Variants in DLG2 observed in about 807,000 individuals in gnomAD.
DLG2 encodes the protein disks large homolog 2.
Under a neutral mutation model 132.5 loss-of-function variants are expected in DLG2, and 45 were observed. That is an observed-to-expected ratio of 0.34 (90% CI 0.27 to 0.44). The LOEUF (loss-of-function observed/expected upper bound fraction) is 0.44, where lower values mean the gene tolerates loss of function less well. Among genes scored for constraint, DLG2 ranks in the 20% least tolerant of loss-of-function variants. The pLI is 1.00. For synonymous variants in DLG2, 424 were observed against 419.6 expected (o/e 1.01, Z -0.13); for missense variants, 1,045 against 1,196.9 (o/e 0.87, Z 1.87).
chr11:84,394,335 T>C (rs1414939689), intron 7 of DLG2, among the ~76,000 whole-genome samples: 1 of 146,736 alleles, frequency 6.8e-6, no homozygotes, highest in African/African-American at 2.6e-5. Flanking sequence ...CCAAAGTCTT[T>C]CAGTTTTTTT....
At chr11:85,529,272 C>G (rs1262646517) in intron 3 of DLG2, among the ~76,000 whole-genome samples, 1 of 152,120 alleles carries the variant, frequency 6.6e-6, no homozygotes, top group African/African-American at 2.4e-5. Context: ...TGTTCCCCGA[C>G]AAATTATGAA....
At chr11:84,236,527 T>C (rs1454024) in intron 8 of DLG2, among the ~76,000 whole-genome samples, 147,972 of 152,338 alleles carry the variant, frequency 0.97, 71,890 homozygotes, top group East Asian at 1. Flanking sequence ...CCATGACTCC[T>C]TTTTTAATAA....
intron 3 of DLG2, among the ~76,000 whole-genome samples, chr11:85,449,937 G>A (rs1041390242): frequency 3.9e-5 from 6 of 152,128 alleles, no homozygotes; most frequent in Non-Finnish European, 7.4e-5. Context: ...AGACCAGCCT[G>A]ACCAACATGG....
chr11:83,503,538 G>C (rs1282064585), intron 21 of DLG2, among the ~76,000 whole-genome samples: 2 of 151,158 alleles, frequency 1.3e-5, no homozygotes, highest in African/African-American at 4.9e-5. Context: ...AGAGAAAGGA[G>C]AGCCAGTCCA....
At chr11:84,166,903 G>A (rs904689842) in intron 8 of DLG2, 1 of 532,662 alleles carries the variant, frequency 1.9e-6, no homozygotes, top group African/African-American at 1.9e-5. Context: ...AAAGAGTTCG[G>A]CCGAATACAT....
At chr11:83,535,497 A>C (rs1251930294) in intron 20 of DLG2, among the ~76,000 whole-genome samples, 2 of 152,120 alleles carry the variant, frequency 1.3e-5, no homozygotes, top group Non-Finnish European at 2.9e-5. Flanking sequence ...TTTTCTTGAG[A>C]AATGTCTCTG....
intron 18 of DLG2, 132 bp from the exon 19 acceptor site, chr11:83,633,457 G>T: frequency 1.5e-6 from 1 of 670,544 alleles, no homozygotes; most frequent in Non-Finnish European, 2.7e-6. Flanking sequence ...GCAACTCAAG[G>T]GTATGCCTGT....
At chr11:85,154,484 C>T (rs2077469727) in intron 5 of DLG2, 72 bp downstream of exon 5, 1 of 784,932 alleles carries the variant, frequency 1.3e-6, no homozygotes, top group Non-Finnish European at 2.1e-6. Flanking sequence ...ACACTACTAG[C>T]ACTATCCACA....
chr11:85,550,425 G>C (rs1004859689), intron 3 of DLG2, among the ~76,000 whole-genome samples: 3 of 152,258 alleles, frequency 2.0e-5, no homozygotes, highest in Non-Finnish European at 4.4e-5. Context: ...GCTTACTCTG[G>C]TTCCTGCACC....
chr11:85,274,456 T>C (rs2077756807), intron 4 of DLG2, among the ~76,000 whole-genome samples: 1 of 152,186 alleles, frequency 6.6e-6, no homozygotes, highest in African/African-American at 2.4e-5. Context: ...AGTATCCAAC[T>C]TAGTGTTTGA....
chr11:85,581,661 G>A (rs2078533438), intron 3 of DLG2, among the ~76,000 whole-genome samples: 1 of 151,812 alleles, frequency 6.6e-6, no homozygotes, highest in South Asian at 2.1e-4. Context: ...AAAAAGAGAA[G>A]GCCTTCTCTT....
chr11:85,220,066 AG>A (rs1166615856), intron 4 of DLG2, among the ~76,000 whole-genome samples: 1 of 152,104 alleles, frequency 6.6e-6, no homozygotes, highest in Non-Finnish European at 1.5e-5. Flanking sequence ...TTAACATACT[AG>A]TGGTATGGAT....
chr11:85,450,264 T>G (rs2092189194), intron 3 of DLG2, among the ~76,000 whole-genome samples: 1 of 152,224 alleles, frequency 6.6e-6, no homozygotes, highest in African/African-American at 2.4e-5. Context: ...CAAGTTGTCT[T>G]GCTTATCTTC....
rs199901064 is a variant in DLG2, at chr11:84,049,076, A to C, written c.919+10239T>G. Among the ~76,000 whole-genome samples, 6 of 151,802 alleles carry C rather than the reference A, an allele frequency of 4.0e-5. No homozygotes were observed. The East Asian group carries it at 1.2e-3, about 30-fold the overall frequency. On this transcript the variant is annotated intron_variant, in intron 11 of 27. Coordinates refer to ENST00000376104, the MANE Select transcript of DLG2 (RefSeq NM_001142699.3). The stretch of plus-strand genomic sequence containing the variant: ...TGACTTCCTCACATCAAGACTGGAT[A>C]GTTCACTTTGGCCATATGGGCATCA...
intron 8 of DLG2, among the ~76,000 whole-genome samples, chr11:84,226,098 G>A (rs1038961498): frequency 1.3e-5 from 2 of 152,134 alleles, no homozygotes; most frequent in Non-Finnish European, 2.9e-5. Flanking sequence ...GGCGTGAGCT[G>A]CTGCACCCAG....
At chr11:84,392,581 A>T (rs575513437) in intron 7 of DLG2, among the ~76,000 whole-genome samples, 2 of 152,328 alleles carry the variant, frequency 1.3e-5, no homozygotes, top group South Asian at 4.1e-4. Flanking sequence ...ATAATAAAGT[A>T]TTTGCAAGCA....
intron 6 of DLG2, among the ~76,000 whole-genome samples, chr11:84,996,371 A>T (rs951918111): frequency 6.6e-6 from 1 of 151,938 alleles, no homozygotes; most frequent in Non-Finnish European, 1.5e-5. Context: ...ATGTCTCTTA[A>T]CTTCTCCCTT....
intron 6 of DLG2, among the ~76,000 whole-genome samples, chr11:84,570,941 G>T (rs981152102): frequency 4.6e-5 from 7 of 152,178 alleles, no homozygotes; most frequent in Admixed American, 1.3e-4. Context: ...AGGAAAGGGG[G>T]TTGGAGGAAA....
chr11:84,747,114 T>C (rs1272972943), intron 6 of DLG2, among the ~76,000 whole-genome samples: 1 of 152,132 alleles, frequency 6.6e-6, no homozygotes, highest in Non-Finnish European at 1.5e-5. Context: ...TACATGGGTT[T>C]TGTAGTTGAG....
Sources: gnomAD v4.1 joint callset for allele counts (sites outside exome capture counted in the v4.1 genomes callset) on GRCh38, gnomAD v4.1.1 for gene constraint, MANE v1.5 for transcripts, NCBI Gene and HGNC (gene_info 2026-07-23, HGNC 2026-07-21) for gene names.